Variants in ARFGAP3 observed in about 807,000 individuals in gnomAD.
ARFGAP3 encodes the protein ADP-ribosylation factor GTPase-activating protein 3.
In ARFGAP3, 72 loss-of-function variants were observed where a neutral mutation model predicts 75.0. The ratio of observed to expected loss-of-function variants is 0.96; its 90% CI spans 0.79 to 1.17. The LOEUF (loss-of-function observed/expected upper bound fraction) is 1.17, where lower values mean the gene tolerates loss of function less well. Among genes scored for constraint, ARFGAP3 ranks in the 50% most tolerant of loss-of-function variants. The probability of loss-of-function intolerance (pLI) is 0.00; values close to 1 mark genes in which losing one functional copy is unlikely to be tolerated. For missense variants in ARFGAP3, 620 were observed against 626.6 expected (o/e 0.99, Z 0.11); for synonymous variants, 221 against 217.9 (o/e 1.01, Z -0.13).
At chr22:42,825,252 C>T (rs559257984) in intron 7 of ARFGAP3, among the ~76,000 whole-genome samples, 27 of 152,180 alleles carry the variant, frequency 1.8e-4, no homozygotes, top group African/African-American at 6.0e-4. Flanking sequence ...GAGACTCTAG[C>T]TCAAAAAAGT....
rs114331760 is a variant in ARFGAP3 at position 42,814,971 on chromosome 22, C to T, written c.1064+2171G>A. Reference sequence around the variant, plus strand: ...CAGTCTGGTCCTGAATTCCTGGGCTCGAGTGATCCTCCTGCCTTGGCTTCC... The same window carrying T: ...CAGTCTGGTCCTGAATTCCTGGGCTTGAGTGATCCTCCTGCCTTGGCTTCC... On this transcript the variant is annotated intron_variant, in intron 11 of 15. Transcript: ENST00000263245. 9.8e-3 allele frequency among the ~76,000 whole-genome samples: 1,493 copies of T among 152,298 alleles called. 26 individuals are homozygous for T. The highest frequency in any genetic ancestry group is 0.034 in the African/African-American group (1,419 of 41,560).
At chr22:42,811,102 C>A in intron 11 of ARFGAP3, 158 bp from the exon 12 acceptor site, 2 of 766,326 alleles carry the variant, frequency 2.6e-6, no homozygotes, top group Non-Finnish European at 3.2e-6. Flanking sequence ...CGAGGTGTGT[C>A]ATTTCCAAGG....
At chr22:42,835,240 C>A in intron 4 of ARFGAP3, 122 bp downstream of exon 4, 1 of 1,117,626 alleles carries the variant, frequency 8.9e-7, no homozygotes, top group Non-Finnish European at 1.3e-6. Context: ...TAAGAATCTA[C>A]TGTACACTAA....
chr22:42,821,444 C>T (rs1925809491), intron 9 of ARFGAP3, among the ~76,000 whole-genome samples: 1 of 152,304 alleles, frequency 6.6e-6, no homozygotes, highest in Admixed American at 6.5e-5. Context: ...TACGGATTTG[C>T]CTATTCTGGA....
At chr22:42,799,434 T>A (rs1924758061) in intron 14 of ARFGAP3, among the ~76,000 whole-genome samples, 1 of 152,220 alleles carries the variant, frequency 6.6e-6, no homozygotes, top group South Asian at 2.1e-4. Flanking sequence ...TGTGTGCCTC[T>A]AGAGAAGTTC....
In ARFGAP3 at chr22:42,822,272, T is replaced by C; in HGVS notation, c.810A>G (p.Ser270=). The C allele has an allele frequency of 1.2e-6, 2 of 1,609,856 alleles. No homozygotes were observed. The highest frequency in any genetic ancestry group is 1.7e-6 in the Non-Finnish European group (2 of 1,178,116). ...TAATATAATGAAATTAAACTTACAT[T>C]GATTCTTCTTTAGATACCACCTTGG... ...DLAKVVSKEE[S]IVSSLRLAYK... Residue 270 remains serine (S), a splice_region_variant and synonymous_variant, in exon 9 of 16, where the codon TCA becomes TCG. Coordinates refer to ENST00000263245, the MANE Select transcript of ARFGAP3 (RefSeq NM_014570.5).
chr22:42,855,511 C>T (rs891703405), intron 1 of ARFGAP3, among the ~76,000 whole-genome samples: 5 of 151,880 alleles, frequency 3.3e-5, no homozygotes, highest in Non-Finnish European at 5.9e-5. Context: ...CATGGTGAAA[C>T]CTCGTCTCTA....
chr22:42,823,561 G>A (rs1283341685), intron 8 of ARFGAP3, 95 bp downstream of exon 8: 23 of 897,166 alleles, frequency 2.6e-5, no homozygotes, highest in Non-Finnish European at 3.8e-5. Context: ...TTTATTACAA[G>A]ATGGTTCAAA....
intron 14 of ARFGAP3, among the ~76,000 whole-genome samples, chr22:42,803,277 T>A (rs1285726079): frequency 6.6e-6 from 1 of 152,122 alleles, no homozygotes; most frequent in East Asian, 1.9e-4. Flanking sequence ...CACATGGCAA[T>A]AACCAAACCA....
chr22:42,807,113 G>A lies in ARFGAP3; in HGVS notation c.1371C>T (p.Ser457=), dbSNP rs747101885. The change falls in exon 14 of 16, where the codon AGC becomes AGT. Residue 457 remains serine (S), a synonymous_variant. Coordinates refer to ENST00000263245, the MANE Select transcript of ARFGAP3 (RefSeq NM_014570.5). ...TCGGCTCCTCGAACAGATCAGCCGA[G>A]CTTATGGAGGAACTTGCCGACAGCC... ...LERLSASSSI[S]SADLFEEPRK... The A allele has an allele frequency of 8.1e-6, 13 of 1,612,918 alleles. No individual in the cohort carries two copies. Among genetic ancestry groups the A allele is most frequent in the South Asian group, 1.1e-5 (1 of 90,710 alleles).
chr22:42,818,776 A>C (rs991910686), intron 9 of ARFGAP3, among the ~76,000 whole-genome samples: 1 of 114,992 alleles, frequency 8.7e-6, no homozygotes, highest in African/African-American at 3.0e-5. Context: ...CTAGTAATAT[A>C]AATAAATTTC....
intron 7 of ARFGAP3, among the ~76,000 whole-genome samples, chr22:42,824,227 A>G (rs2146550067): frequency 7.5e-6 from 1 of 132,600 alleles, no homozygotes; most frequent in South Asian, 2.4e-4. Flanking sequence ...TGTTGCCCAG[A>G]CTGGTCTTGG....
chr22:42,852,138 T>C (rs1416944502), intron 1 of ARFGAP3, among the ~76,000 whole-genome samples: 3 of 151,900 alleles, frequency 2.0e-5, no homozygotes, highest in Non-Finnish European at 4.4e-5. Flanking sequence ...CACTTCAACC[T>C]CTGCCTCCCG....
intron 1 of ARFGAP3, among the ~76,000 whole-genome samples, chr22:42,849,715 C>T (rs1024145127): frequency 1.3e-5 from 2 of 152,068 alleles, no homozygotes; most frequent in Non-Finnish European, 2.9e-5. Context: ...TGTATGCCAC[C>T]GTGCCCAGAT....
Position 42,851,560 on chromosome 22 carries a change from G to C in ARFGAP3, c.70-3928C>G, listed in dbSNP as rs562036719. ...GCACATGGTGGAGCAGTTTATAGGGGTAGAGGAGCTAACAAGTGGAGACTG... is the reference window on the plus strand; with the variant it reads ...GCACATGGTGGAGCAGTTTATAGGGCTAGAGGAGCTAACAAGTGGAGACTG... On this transcript the variant is annotated intron_variant, in intron 1 of 15. Transcript: ENST00000263245. 5.9e-5 allele frequency among the ~76,000 whole-genome samples: 9 copies of C among 152,366 alleles called. 1 individual carries two copies. The South Asian group carries it at 1.9e-3, about 32-fold the overall frequency.
intron 7 of ARFGAP3, among the ~76,000 whole-genome samples, chr22:42,824,233 C>T (rs566458851): frequency 7.2e-5 from 9 of 125,080 alleles, no homozygotes; most frequent in Admixed American, 4.0e-4. Flanking sequence ...CCAGACTGGT[C>T]TTGGACTCCT....
At chr22:42,831,755 G>A in intron 5 of ARFGAP3, 119 bp from the exon 6 acceptor site, 2 of 1,509,358 alleles carry the variant, frequency 1.3e-6, no homozygotes, top group South Asian at 1.3e-5. Flanking sequence ...CCCTGTTAAT[G>A]GAAAGGAAGG....
chr22:42,828,285 G>A (rs959435319), intron 6 of ARFGAP3, among the ~76,000 whole-genome samples: 1 of 151,438 alleles, frequency 6.6e-6, no homozygotes, highest in Non-Finnish European at 1.5e-5. Context: ...AGGGCCAGGC[G>A]CGGTAGCTCA....
intron 11 of ARFGAP3, among the ~76,000 whole-genome samples, chr22:42,811,688 A>G (rs945110150): frequency 2.2e-4 from 33 of 152,294 alleles, no homozygotes; most frequent in African/African-American, 7.9e-4. Context: ...ATCCCAGGAG[A>G]GCCTGGCCTT....
Sources: gnomAD v4.1 joint callset for allele counts (sites outside exome capture counted in the v4.1 genomes callset) on GRCh38, gnomAD v4.1.1 for gene constraint, MANE v1.5 for transcripts, NCBI Gene and HGNC (gene_info 2026-07-23, HGNC 2026-07-21) for gene names.